CEP152: variants seen among roughly 807,000 people sequenced by gnomAD.
CEP152 encodes the protein centrosomal protein of 152 kDa.
In CEP152, 132 loss-of-function variants were observed where a neutral mutation model predicts 188.9. That is an observed-to-expected ratio of 0.70 (90% CI 0.61 to 0.81). The LOEUF (loss-of-function observed/expected upper bound fraction) is 0.81, where lower values mean the gene tolerates loss of function less well. Among genes scored for constraint, CEP152 ranks in the 30% least tolerant of loss-of-function variants. CEP152 has a pLI of 0.00. For synonymous variants in CEP152, 649 were observed against 666.6 expected, an observed-to-expected ratio of 0.97 and a Z score of 0.41; for missense variants, 1,914 against 1,969.8, an observed-to-expected ratio of 0.97 and a Z score of 0.54.
Position 48,739,087 on chromosome 15 carries a change from T to A in CEP152, c.4295A>T (p.Lys1432Met), listed in dbSNP as rs781716447. 13 of 1,614,102 alleles carry A rather than the reference T, an allele frequency of 8.1e-6. No individual in the cohort carries two copies. Among genetic ancestry groups the A allele is most frequent in the Non-Finnish European group, 1.1e-5 (13 of 1,180,032 alleles). Reference sequence around the variant, plus strand: ...ATGTGTCTCTTTGGATCCCACATGCTTTATGCTCTGATGCTCTGAGTTCTC... The same window carrying A: ...ATGTGTCTCTTTGGATCCCACATGCATTATGCTCTGATGCTCTGAGTTCTC... ...LLENSEHQSIKHVGSKETHLE... is the reference protein window; with the variant it reads ...LLENSEHQSIMHVGSKETHLE... Residue 1432 changes from lysine to methionine, a missense_variant, in exon 27 of 27, where the codon AAG becomes ATG. By Grantham distance (95) the Lys-to-Met change is moderately conservative (BLOSUM62 -1). Transcript: ENST00000380950.
intron 9 of CEP152, among the ~76,000 whole-genome samples, chr15:48,785,137 T>A (rs1364714411): frequency 6.6e-5 from 10 of 152,208 alleles, no homozygotes; most frequent in Admixed American, 6.5e-4. Flanking sequence ...CTGCCTGATC[T>A]GTAGTATAAC....
chr15:48,769,600 G>A (rs1340568348), intron 13 of CEP152, among the ~76,000 whole-genome samples: 1 of 152,098 alleles, frequency 6.6e-6, no homozygotes, highest in East Asian at 1.9e-4. Context: ...TCAATTGAAG[G>A]TGGGATCTGT....
intron 17 of CEP152, chr15:48,765,725 C>G (rs1046953486): frequency 2.8e-6 from 1 of 354,584 alleles, no homozygotes; most frequent in African/African-American, 2.4e-5. Context: ...GCAATCTCGA[C>G]TCACTGCAAG....
chr15:48,782,691 G>A (rs769782975), intron 10 of CEP152, among the ~76,000 whole-genome samples: 2 of 152,134 alleles, frequency 1.3e-5, no homozygotes, highest in Non-Finnish European at 2.9e-5. Flanking sequence ...GTGTATTAGG[G>A]TTATAATTCT....
rs372379014 is a variant in CEP152, at chr15:48,739,062, A to G, written c.4320T>C (p.His1440=). 1.4e-4 allele frequency: 233 copies of G among 1,614,002 alleles called. No individual in the cohort carries two copies. The highest frequency in any genetic ancestry group is 1.8e-4 in the Non-Finnish European group (214 of 1,180,008). The change falls in exon 27 of 27, where the codon CAT becomes CAC. Residue 1440 remains histidine, a synonymous_variant. Transcript: ENST00000380950. ...TACCATCCCCAAACTGGAATTCCAA[A>G]TGTGTCTCTTTGGATCCCACATGCT... is the stretch of plus-strand genomic sequence containing the variant. ...SIKHVGSKET[H]LEFQFGDGSC...
intron 21 of CEP152, 77 bp downstream of exon 21, chr15:48,752,272 C>T: frequency 6.2e-7 from 1 of 1,611,682 alleles, no homozygotes; most frequent in Non-Finnish European, 8.5e-7. Flanking sequence ...TCTATGATCT[C>T]CTTTTATCCT....
intron 15 of CEP152, 33 bp from the exon 16 acceptor site, chr15:48,767,496 A>C: frequency 6.2e-7 from 1 of 1,613,914 alleles, no homozygotes; most frequent in South Asian, 1.1e-5. Context: ...GGCAATGCCC[A>C]GTCTCACTAC....
rs1236695233 is a variant in CEP152, at chr15:48,781,320, CAT to C, written c.1451_1452del (p.Tyr484Ter). ...TGTATTCCTAGTTTTGCAGCAGATT[CAT>C]AGAGAGAAATTTCATCTTTTAGTTC... ...LTELKDEISL[Y>X]ESAAKLGIHP... On this transcript the variant is annotated frameshift_variant, in exon 12 of 27. Transcript: ENST00000380950. LOFTEE classifies it high-confidence loss of function. 1 of 1,610,996 alleles carries C rather than the reference CAT, an allele frequency of 6.2e-7. No individual in the cohort carries two copies. Among genetic ancestry groups the C allele is most frequent in the Non-Finnish European group, 8.5e-7 (1 of 1,177,678 alleles).
intron 7 of CEP152, 77 bp downstream of exon 7, chr15:48,793,244 C>A (rs905012206): frequency 5.8e-6 from 9 of 1,550,548 alleles, no homozygotes; most frequent in Non-Finnish European, 8.0e-6. Context: ...CTCTAAGCTT[C>A]GTATGTAATC....
At chr15:48,775,116 A>T (rs1328929362) in intron 12 of CEP152, among the ~76,000 whole-genome samples, 5 of 152,026 alleles carry the variant, frequency 3.3e-5, no homozygotes, top group African/African-American at 1.2e-4. Flanking sequence ...GGGAAAAACT[A>T]TAGAAAAAAA....
intron 23 of CEP152, among the ~76,000 whole-genome samples, 170 bp from the exon 24 acceptor site, chr15:48,744,513 A>T (rs1357016344): frequency 6.6e-6 from 1 of 152,260 alleles, no homozygotes; most frequent in Non-Finnish European, 1.5e-5. Flanking sequence ...AAATGGAAAC[A>T]ACATAAATGT....
Position 48,762,308 on chromosome 15 carries a change from C to G in CEP152, c.2562+83G>C, listed in dbSNP as rs1297474279. 2.4e-6 allele frequency: 3 copies of G among 1,257,008 alleles called. No individual in the cohort carries two copies. In the Admixed American group the frequency reaches 5.1e-5, roughly 21 times the overall value. 77.9% of individuals were successfully genotyped at this position (1,257,008 alleles called of 1,614,324 possible). ...AATCTTAAAAGTATAAAGTTATGAA[C>G]GAGTTCAATGATAGCATTGTATGGG... On this transcript the variant is annotated intron_variant, in intron 18 of 26. Coordinates refer to ENST00000380950, the MANE Select transcript of CEP152 (RefSeq NM_001194998.2).
downstream of CEP152, among the ~76,000 whole-genome samples, chr15:48,736,835 G>A (rs764867652): frequency 5.9e-5 from 9 of 152,248 alleles, no homozygotes; most frequent in Admixed American, 2.6e-4. Context: ...GGTGAGCAAC[G>A]AGCCTAGATT....
At chr15:48,739,383 GA>G in intron 26 of CEP152, 95 bp from the exon 27 acceptor site, 1 of 1,435,540 alleles carries the variant, frequency 7.0e-7, no homozygotes, top group Non-Finnish European at 9.1e-7. Context: ...TTAAAAATAA[GA>G]AAAAATTTAT....
Position 48,768,297 on chromosome 15 carries a change from T to C in CEP152, c.1940A>G (p.Asn647Ser), listed in dbSNP as rs780720784. ...ELKETEGKLR[N>S]TNQDLCNQMR... ...TTGATTACATAAGTCTTGATTTGTATTTCTCAGTTTTCCTTCAGTTTCTTT... is the reference window on the plus strand; with the variant it reads ...TTGATTACATAAGTCTTGATTTGTACTTCTCAGTTTTCCTTCAGTTTCTTT... Residue 647 changes from asparagine to serine, a missense_variant, in exon 15 of 27, where the codon AAT becomes AGT. Transcript: ENST00000380950. The C allele has an allele frequency of 5.6e-6, 9 of 1,608,472 alleles. No homozygotes were observed. Among genetic ancestry groups the C allele is most frequent in the Non-Finnish European group, 7.7e-6 (9 of 1,174,970 alleles).
chr15:48,768,887 C>CT (rs1895317871), intron 14 of CEP152, 69 bp downstream of exon 14: 2 of 1,209,142 alleles, frequency 1.7e-6, no homozygotes, highest in African/African-American at 1.5e-5. Context: ...TGCAAAAACT[C>CT]TATTATATCC....
chr15:48,778,919 G>A lies in CEP152; in HGVS notation c.1577+2277C>T, dbSNP rs147061605. On this transcript the variant is annotated intron_variant, in intron 12 of 26. Coordinates refer to ENST00000380950, the MANE Select transcript of CEP152 (RefSeq NM_001194998.2). ...AGCCGAGATCATGCCATTGCACTCC[G>A]GTCTGGGCAACAAAAGCAAAACTCC... 4.5e-3 allele frequency among the ~76,000 whole-genome samples: 684 copies of A among 150,828 alleles called. 2 individuals carry two copies. The highest frequency in any genetic ancestry group is 7.3e-3 in the Non-Finnish European group (491 of 67,724).
At chr15:48,744,484 G>A in intron 23 of CEP152, 141 bp from the exon 24 acceptor site, 3 of 1,403,666 alleles carry the variant, frequency 2.1e-6, no homozygotes, top group Non-Finnish European at 2.9e-6. Context: ...CCACTATACA[G>A]TTATTTAAAA....
At chr15:48,733,290 G>A (rs1189709156), downstream of CEP152, among the ~76,000 whole-genome samples, 1 of 152,056 alleles carries the variant, frequency 6.6e-6, no homozygotes, top group African/African-American at 2.4e-5. Flanking sequence ...CACATTGCAT[G>A]CATGTATCAA....
Sources: allele counts gnomAD v4.1 joint callset (sites outside exome capture counted in the v4.1 genomes callset), GRCh38; gene constraint gnomAD v4.1.1; transcripts MANE v1.5; gene names NCBI Gene and HGNC (gene_info 2026-07-23, HGNC 2026-07-21).